Variants in RAP1GAP2 observed in about 807,000 individuals in gnomAD.
RAP1GAP2 encodes the protein rap1 GTPase-activating protein 2.
A neutral mutation model predicts 95.0 loss-of-function variants in RAP1GAP2; 27 were observed. The ratio of observed to expected loss-of-function variants is 0.28; its 90% CI spans 0.21 to 0.39. The LOEUF is 0.39. Ranked by LOEUF, RAP1GAP2 falls within the 10% of genes least tolerant of loss-of-function variation. The pLI is 1.00. For synonymous variants in RAP1GAP2, 373 were observed against 380.9 expected, an observed-to-expected ratio of 0.98 and a Z score of 0.24; for missense variants, 771 against 970.0, an observed-to-expected ratio of 0.79 and a Z score of 2.72.
chr17:2,793,962 G>A (rs1408742833), upstream of RAP1GAP2, among the ~76,000 whole-genome samples: 5 of 152,016 alleles, frequency 3.3e-5, no homozygotes, highest in South Asian at 4.2e-4. Context: ...TTAGCTGGGC[G>A]TGGTGGCGGG....
chr17:2,820,463 A>T (rs2070238171), intron 2 of RAP1GAP2, among the ~76,000 whole-genome samples: 2 of 152,008 alleles, frequency 1.3e-5, no homozygotes, highest in African/African-American at 4.8e-5. Flanking sequence ...TCTACTAAAA[A>T]CACAAAAATT....
chr17:2,882,889 G>A (rs1237176162), intron 2 of RAP1GAP2, among the ~76,000 whole-genome samples: 1 of 152,254 alleles, frequency 6.6e-6, no homozygotes, highest in Non-Finnish European at 1.5e-5. Context: ...CTAGCGCTAT[G>A]CTGGCACACC....
intron 12 of RAP1GAP2, among the ~76,000 whole-genome samples, chr17:2,993,581 A>T (rs113344188): frequency 0.17 from 23,416 of 137,230 alleles, 1,998 homozygotes; most frequent in East Asian, 0.31. Context: ...TAAAAAAAAA[A>T]AAATAAATAA....
intron 1 of RAP1GAP2, among the ~76,000 whole-genome samples, chr17:2,786,042 C>CAG (rs1160288692): frequency 1.3e-5 from 2 of 151,910 alleles, no homozygotes; most frequent in Non-Finnish European, 2.9e-5. Flanking sequence ...GCTGGGATTA[C>CAG]AGGCATGTGC....
intron 4 of RAP1GAP2, 139 bp from the exon 5 acceptor site, chr17:2,962,531 G>A: frequency 1.2e-6 from 1 of 856,090 alleles, no homozygotes; most frequent in Non-Finnish European, 1.8e-6. Context: ...CTGGCCAGGT[G>A]TGATGTGTGC....
At chr17:2,931,976 C>T (rs1461462944) in intron 3 of RAP1GAP2, among the ~76,000 whole-genome samples, 1 of 152,154 alleles carries the variant, frequency 6.6e-6, no homozygotes. Flanking sequence ...CGCCCTTTAC[C>T]CAGCAGCACA....
chr17:2,828,562 G>C (rs993764083), intron 2 of RAP1GAP2, among the ~76,000 whole-genome samples: 4 of 152,154 alleles, frequency 2.6e-5, no homozygotes, highest in African/African-American at 9.7e-5. Flanking sequence ...TGAAGAGCCG[G>C]CGGGAAGAGC....
At position 2,929,366 on chromosome 17, in the gene RAP1GAP2, G is replaced by A. The variant is rs1417273452; in HGVS notation, c.165+23998G>A. Among the ~76,000 whole-genome samples the A allele has an allele frequency of 2.6e-5, 4 of 152,080 alleles. No homozygotes were observed. The East Asian group carries it at 7.7e-4, about 29-fold the overall frequency. ...CCGGCACAGGCGATGAGTGAGGGCTGGAATCTGGCAATCCCCTGGCCCCGC... is the reference window on the plus strand; with the variant it reads ...CCGGCACAGGCGATGAGTGAGGGCTAGAATCTGGCAATCCCCTGGCCCCGC... On this transcript the variant is annotated intron_variant, in intron 3 of 24. Transcript: ENST00000254695.
chr17:2,922,833 T>G (rs202147801), intron 3 of RAP1GAP2, among the ~76,000 whole-genome samples: 14,660 of 58,836 alleles, frequency 0.25, 1,037 homozygotes, highest in African/African-American at 0.47. Context: ...TTTGTTTTTG[T>G]TTTTTTTTTT....
intron 2 of RAP1GAP2, among the ~76,000 whole-genome samples, chr17:2,826,599 C>A (rs952663549): frequency 6.6e-6 from 1 of 151,788 alleles, no homozygotes; most frequent in East Asian, 1.9e-4. Context: ...TGCTGTGCTC[C>A]TGAGGAGGGG....
Position 2,796,601 on chromosome 17 carries a change from G to A in RAP1GAP2, c.44+30G>A, listed in dbSNP as rs367948962. ...GTGACAGGTGGGAGGGTGGGGGAAT[G>A]ATGGGAGAGAACTTAGAAGTGAAGT... On this transcript the variant is annotated intron_variant, in intron 1 of 24. Transcript: ENST00000254695. The surrounding 1 kb of genome is among the most constrained non-coding windows in gnomAD (Gnocchi z 4.7). 5.7e-5 allele frequency: 88 copies of A among 1,552,378 alleles called. No homozygotes were observed. The highest frequency in any genetic ancestry group is 7.1e-5 in the Non-Finnish European group (82 of 1,147,012).
intron 2 of RAP1GAP2, among the ~76,000 whole-genome samples, chr17:2,841,347 A>G (rs1417564022): frequency 7.9e-6 from 1 of 127,126 alleles, no homozygotes; most frequent in Non-Finnish European, 1.6e-5. Context: ...TCTGTCGCCC[A>G]GGCTGGAGTG....
At chr17:3,030,470 G>T (rs904804552) in intron 22 of RAP1GAP2, among the ~76,000 whole-genome samples, 1 of 152,118 alleles carries the variant, frequency 6.6e-6, no homozygotes, top group Admixed American at 6.6e-5. Flanking sequence ...AGTTTCTGTG[G>T]TGTAAATACA....
intron 2 of RAP1GAP2, among the ~76,000 whole-genome samples, chr17:2,833,941 T>G (rs1038807550): frequency 2.0e-5 from 3 of 152,094 alleles, no homozygotes; most frequent in Admixed American, 6.6e-5. Flanking sequence ...ATTCCCTGAT[T>G]TCCAGCCCTC....
At chr17:2,803,388 G>A (rs1440184828) in intron 2 of RAP1GAP2, among the ~76,000 whole-genome samples, 2 of 152,290 alleles carry the variant, frequency 1.3e-5, no homozygotes, top group East Asian at 3.9e-4. Flanking sequence ...AAAGCAGGGT[G>A]CCCCAGGGAA....
At chr17:3,015,129 G>A (rs780343175) in intron 17 of RAP1GAP2, among the ~76,000 whole-genome samples, 3 of 152,188 alleles carry the variant, frequency 2.0e-5, no homozygotes, top group Non-Finnish European at 4.4e-5. Context: ...CTTGCGTGAC[G>A]GGGTAAATAG....
chr17:2,828,716 T>C (rs1046120046), intron 2 of RAP1GAP2, among the ~76,000 whole-genome samples: 1 of 152,164 alleles, frequency 6.6e-6, no homozygotes, highest in African/African-American at 2.4e-5. Context: ...CATCACAGGC[T>C]CTACCTCCAC....
chr17:2,766,314 C>T (rs547683346), intron 1 of RAP1GAP2, among the ~76,000 whole-genome samples: 2 of 152,182 alleles, frequency 1.3e-5, no homozygotes, highest in South Asian at 2.1e-4. Context: ...GTTTAGGAGA[C>T]GGGGCCTTTG....
chr17:2,868,854 CTGTT>C (rs2072727285), intron 2 of RAP1GAP2, among the ~76,000 whole-genome samples: 1 of 152,130 alleles, frequency 6.6e-6, no homozygotes, highest in African/African-American at 2.4e-5. Flanking sequence ...TTGTCTGTGT[CTGTT>C]TGAGCTGCTA....
Sources: allele counts gnomAD v4.1 joint callset (sites outside exome capture counted in the v4.1 genomes callset), GRCh38; gene constraint gnomAD v4.1.1; non-coding constraint Gnocchi (gnomAD v3.1); transcripts MANE v1.5; gene names NCBI Gene and HGNC (gene_info 2026-07-23, HGNC 2026-07-21).